Variants in LRRC57 observed in about 807,000 individuals in gnomAD.
The protein encoded by LRRC57 is leucine rich repeat containing 57, also known as leucine-rich repeat-containing protein 57.
A neutral mutation model predicts 23.1 loss-of-function variants in LRRC57; 14 were observed. The observed-to-expected ratio is 0.61, with a 90% confidence interval of 0.40 to 0.95. The LOEUF (loss-of-function observed/expected upper bound fraction) is 0.95. LRRC57 is among the 40% of genes least tolerant of loss of function. The pLI, the probability that LRRC57 is intolerant of heterozygous loss-of-function variation, is 0.00. For synonymous variants in LRRC57, 106 were observed against 115.2 expected, an observed-to-expected ratio of 0.92 and a Z score of 0.51; for missense variants, 236 against 284.4, an observed-to-expected ratio of 0.83 and a Z score of 1.22.
chr15:42,537,216 G>GTCTC (rs375203501), downstream of LRRC57, among the ~76,000 whole-genome samples: 59 of 139,314 alleles, frequency 4.2e-4, no homozygotes, highest in African/African-American at 1.6e-3. Context: ...CCATCTCTCT[G>GTCTC]TCTCTCTCTC....
rs776850323 is a variant in LRRC57 at position 42,544,060 on chromosome 15, G to A, written c.*23C>T. 6.2e-7 allele frequency: 1 copy of A among 1,609,056 alleles called. No individual in the cohort carries two copies. The highest frequency in any genetic ancestry group is 8.5e-7 in the Non-Finnish European group (1 of 1,176,388). On this transcript the variant is annotated 3_prime_UTR_variant, in exon 6 of 6. Coordinates refer to ENST00000397130, the MANE Select transcript of LRRC57 (RefSeq NM_153260.3). ...GAGGTTCTAAGTCAGTATCCTGTAA[G>A]GTTTCCATAGTCCTGGAGAACTTCA...
chr15:42,530,092 G>A, the LRRC57 span, among the ~76,000 whole-genome samples: 7 of 152,130 alleles, frequency 4.6e-5, no homozygotes, highest in Admixed American at 6.6e-5. Flanking sequence ...GCTTTTGAGC[G>A]TGTTTTTTTC....
At chr15:42,529,551 C>T in the LRRC57 span, 1 of 911,586 alleles carries the variant, frequency 1.1e-6, no homozygotes, top group Non-Finnish European at 1.7e-6. Flanking sequence ...GAATGGTAAC[C>T]TATATTCTTT....
the LRRC57 span, chr15:42,529,779 T>C: frequency 6.2e-7 from 1 of 1,613,446 alleles, no homozygotes; most frequent in Non-Finnish European, 8.5e-7. Context: ...GGCAATGAGA[T>C]TGATGCTCAA....
chr15:42,532,086 TTTTC>T, the LRRC57 span: 5 of 151,802 alleles, frequency 3.3e-5, no homozygotes, highest in Non-Finnish European at 7.4e-5. Flanking sequence ...ATAGAATGAG[TTTTC>T]TTTCTTTTTT....
At chr15:42,532,596 A>G in the LRRC57 span, 1 of 152,674 alleles carries the variant, frequency 6.5e-6, no homozygotes, top group African/African-American at 2.4e-5. Flanking sequence ...ATGTAAATAT[A>G]TATGTGTAAC....
chr15:42,547,402 C>T lies in LRRC57; in HGVS notation c.351G>A (p.Gly117=), dbSNP rs201038101. The change falls in exon 4 of 6, where the codon GGG becomes GGA. Residue 117 remains glycine (G), a synonymous_variant. Coordinates refer to ENST00000397130, the MANE Select transcript of LRRC57 (RefSeq NM_153260.3). ...GGGGAGGTAATGCTCCCAGTTGGTTCCCAGAGAGGCTCAGGGTCTTGAGGG... is the reference window on the plus strand; with the variant it reads ...GGGGAGGTAATGCTCCCAGTTGGTTTCCAGAGAGGCTCAGGGTCTTGAGGG... The part of the protein sequence containing the change: ...LSALKTLSLS[G]NQLGALPPQL... 2 of 1,614,110 alleles carry T rather than the reference C, an allele frequency of 1.2e-6. No individual in the cohort carries two copies. Among genetic ancestry groups the T allele is most frequent in the Non-Finnish European group, 1.7e-6 (2 of 1,180,012 alleles).
chr15:42,537,248 C>CACACATACACACACACACACAT (rs2057605116), downstream of LRRC57, among the ~76,000 whole-genome samples: 1 of 149,546 alleles, frequency 6.7e-6, no homozygotes, highest in East Asian at 2.0e-4. Context: ...CACACACACA[C>CACACATACACACACACACACAT]ACACACACAC....
chr15:42,545,345 A>C, intron 4 of LRRC57, 83 bp from the exon 5 acceptor site: 2 of 887,502 alleles, frequency 2.3e-6, no homozygotes, highest in Non-Finnish European at 1.6e-6. Flanking sequence ...CAAAACAAAA[A>C]TCTTTACTTG....
the LRRC57 span, among the ~76,000 whole-genome samples, chr15:42,529,069 A>C: frequency 0.047 from 7,213 of 152,286 alleles, 571 homozygotes; most frequent in African/African-American, 0.16. Flanking sequence ...ATCTGTAACG[A>C]GCCAGAGAGT....
chr15:42,528,719 G>A, the LRRC57 span, among the ~76,000 whole-genome samples: 1 of 152,204 alleles, frequency 6.6e-6, no homozygotes, highest in Non-Finnish European at 1.5e-5. Flanking sequence ...CCGAGTAGCT[G>A]GGACTACAGG....
intron 4 of LRRC57, 153 bp from the exon 5 acceptor site, chr15:42,545,415 C>T: frequency 2.3e-6 from 1 of 434,000 alleles, no homozygotes; most frequent in African/African-American, 2.0e-5. Flanking sequence ...CCTACTCACT[C>T]CAGAAGCCTC....
At chr15:42,548,012 G>A (rs1051604743) in intron 3 of LRRC57, 94 bp downstream of exon 3, 3 of 1,359,520 alleles carry the variant, frequency 2.2e-6, no homozygotes, top group African/African-American at 1.5e-5. Context: ...CCTCCTGCAC[G>A]GTTTCATAAC....
downstream of LRRC57, among the ~76,000 whole-genome samples, chr15:42,536,613 T>A (rs2141570732): frequency 6.6e-6 from 1 of 152,350 alleles, no homozygotes; most frequent in Non-Finnish European, 1.5e-5. Context: ...CCACAGCTTC[T>A]GCTATTGAGA....
In LRRC57 at chr15:42,548,357, C is replaced by T. The variant is rs1281431970; in HGVS notation, c.78G>A (p.Leu26=). 2 of 1,614,236 alleles carry T rather than the reference C, an allele frequency of 1.2e-6. No homozygotes were observed. Among genetic ancestry groups the T allele is most frequent in the East Asian group, 4.5e-5 (2 of 44,880 alleles). ...TGVFQLKDRG[L]TEFPADLQKL... ...GTGTCCCTCCCAGTCTCACCTCGGT[C>T]AGCCCTCGGTCCTTAAGCTGAAAGA... is the stretch of plus-strand genomic sequence containing the variant. Residue 26 remains leucine (L), a synonymous_variant, in exon 2 of 6, where the codon CTG becomes CTA. Coordinates refer to ENST00000397130, the MANE Select transcript of LRRC57 (RefSeq NM_153260.3).
Position 42,548,760 on chromosome 15 carries a change from C to G in LRRC57, c.-90G>C, listed in dbSNP as rs991235111. ...CAGGACCCGCAGTAGCCGGGATGCG[C>G]TCCCCGGCTTAGTCCCGGGCGGGAA... On this transcript the variant is annotated 5_prime_UTR_variant, in exon 1 of 6. Transcript: ENST00000397130. 3.9e-6 allele frequency: 3 copies of G among 769,506 alleles called. No homozygotes were observed. Among genetic ancestry groups the G allele is most frequent in the Non-Finnish European group, 6.2e-6 (3 of 482,228 alleles). 47.7% of individuals were successfully genotyped at this position (769,506 alleles called of 1,614,324 possible).
chr15:42,546,640 C>T (rs1595539799), intron 4 of LRRC57, among the ~76,000 whole-genome samples: 2 of 152,280 alleles, frequency 1.3e-5, no homozygotes, highest in East Asian at 1.9e-4. Flanking sequence ...ATCACTTGTG[C>T]CTTCATGCCT....
downstream of LRRC57, among the ~76,000 whole-genome samples, chr15:42,533,731 G>C (rs1461274900): frequency 6.6e-6 from 1 of 152,166 alleles, no homozygotes; most frequent in African/African-American, 2.4e-5. Flanking sequence ...GTCTGTAAAT[G>C]CAGATTAATA....
the LRRC57 span, among the ~76,000 whole-genome samples, chr15:42,531,050 G>A: frequency 1.3e-5 from 2 of 152,086 alleles, no homozygotes; most frequent in Admixed American, 1.3e-4. Flanking sequence ...CAGTTCAGAG[G>A]ACTCACACAA....
Sources: gnomAD v4.1 joint callset for allele counts (sites outside exome capture counted in the v4.1 genomes callset) on GRCh38, gnomAD v4.1.1 for gene constraint, MANE v1.5 for transcripts, NCBI Gene and HGNC (gene_info 2026-07-23, HGNC 2026-07-21) for gene names.